Variants in BABAM2 observed in about 807,000 individuals in gnomAD.
The protein encoded by BABAM2 is BRISC and BRCA1-A complex member 2.
BABAM2 carries 31 observed loss-of-function variants against 54.7 expected under a neutral mutation model. The observed-to-expected ratio is 0.57, with a 90% confidence interval of 0.43 to 0.77. The LOEUF is 0.77. Ranked by LOEUF, BABAM2 falls within the 30% of genes least tolerant of loss-of-function variation. The probability of loss-of-function intolerance (pLI) is 0.00; values close to 1 mark genes in which losing one functional copy is unlikely to be tolerated. For missense variants in BABAM2, 364 were observed against 455.8 expected (o/e 0.80, Z 1.83); for synonymous variants, 167 against 162.9 (o/e 1.03, Z -0.19).
At chr2:28,087,308 A>C (rs1285328494) in intron 6 of BABAM2, among the ~76,000 whole-genome samples, 2 of 152,138 alleles carry the variant, frequency 1.3e-5, no homozygotes, top group Non-Finnish European at 2.9e-5. Context: ...CCACAAGAAA[A>C]AAGCTGGACA....
chr2:27,889,087 G>C (rs1395528816), upstream of BABAM2, among the ~76,000 whole-genome samples: 2 of 152,124 alleles, frequency 1.3e-5, no homozygotes, highest in Admixed American at 1.3e-4. Flanking sequence ...TCAAGTTTTC[G>C]TCAGTCACTA....
At chr2:27,964,437 A>G (rs538491947) in intron 3 of BABAM2, among the ~76,000 whole-genome samples, 27 of 152,382 alleles carry the variant, frequency 1.8e-4, no homozygotes, top group Non-Finnish European at 3.8e-4. Flanking sequence ...AAGCAGTTAC[A>G]TGAAAAAATT....
At chr2:27,977,926 T>C (rs1448670381) in intron 3 of BABAM2, among the ~76,000 whole-genome samples, 1 of 152,158 alleles carries the variant, frequency 6.6e-6, no homozygotes, top group Non-Finnish European at 1.5e-5. Flanking sequence ...CATAAAGTTC[T>C]CAGAACCAGC....
At chr2:27,983,254 C>T (rs1042892658) in intron 3 of BABAM2, among the ~76,000 whole-genome samples, 9 of 151,970 alleles carry the variant, frequency 5.9e-5, no homozygotes, top group Non-Finnish European at 1.3e-4. Flanking sequence ...ATTGTGTTGG[C>T]ACCCTTGTCA....
intron 7 of BABAM2, among the ~76,000 whole-genome samples, chr2:28,186,652 G>C (rs1037413423): frequency 1.3e-5 from 2 of 151,838 alleles, no homozygotes; most frequent in Non-Finnish European, 2.9e-5. Flanking sequence ...GAGAGTATGT[G>C]AGAGAGAGGG....
chr2:28,021,789 AT>A (rs987578075), intron 4 of BABAM2, among the ~76,000 whole-genome samples: 12 of 151,988 alleles, frequency 7.9e-5, no homozygotes, highest in Non-Finnish European at 1.0e-4. Context: ...CCCCCGGAAG[AT>A]TTTTTTCCCT....
At chr2:28,289,274 A>G (rs911951149) in intron 10 of BABAM2, among the ~76,000 whole-genome samples, 2 of 152,162 alleles carry the variant, frequency 1.3e-5, no homozygotes, top group African/African-American at 4.8e-5. Context: ...CCATAAAAAT[A>G]TATCATTTAT....
intron 10 of BABAM2, among the ~76,000 whole-genome samples, chr2:28,264,023 A>G (rs1024123377): frequency 5.3e-5 from 8 of 152,210 alleles, no homozygotes; most frequent in Non-Finnish European, 8.8e-5. Flanking sequence ...ATTACATTCA[A>G]ATTTTTAAAT....
At chr2:27,929,936 A>G (rs1226399501) in intron 3 of BABAM2, 28 bp downstream of exon 3, 2 of 1,579,828 alleles carry the variant, frequency 1.3e-6, no homozygotes, top group Non-Finnish European at 1.7e-6. Context: ...ATTTTACTCA[A>G]AATGTAGGTT....
chr2:27,931,196 G>A (rs1668066381), intron 3 of BABAM2, among the ~76,000 whole-genome samples: 1 of 152,106 alleles, frequency 6.6e-6, no homozygotes, highest in South Asian at 2.1e-4. Context: ...GTCTGAAGTA[G>A]TAGGACAGAT....
intron 10 of BABAM2, among the ~76,000 whole-genome samples, chr2:28,281,183 C>T (rs1295551343): frequency 6.6e-6 from 1 of 152,174 alleles, no homozygotes; most frequent in Non-Finnish European, 1.5e-5. Flanking sequence ...TGGGCTGCCC[C>T]CACCGGCATT....
At chr2:28,021,271 T>C (rs1675242412) in intron 4 of BABAM2, among the ~76,000 whole-genome samples, 2 of 152,120 alleles carry the variant, frequency 1.3e-5, no homozygotes, top group African/African-American at 4.8e-5. Flanking sequence ...GCATGCACCA[T>C]GGAAGCAGTG....
chr2:27,978,796 C>T (rs996412592), intron 3 of BABAM2, among the ~76,000 whole-genome samples: 1 of 152,138 alleles, frequency 6.6e-6, no homozygotes, highest in African/African-American at 2.4e-5. Flanking sequence ...TCCTCTCACC[C>T]TCCACCCTCA....
At chr2:28,218,864 C>T (rs1680144596) in intron 7 of BABAM2, among the ~76,000 whole-genome samples, 1 of 152,106 alleles carries the variant, frequency 6.6e-6, no homozygotes, top group South Asian at 2.1e-4. Flanking sequence ...TATCCATTAA[C>T]ATATGTGTTT....
intron 4 of BABAM2, among the ~76,000 whole-genome samples, chr2:28,024,471 A>T (rs1040417688): frequency 6.6e-6 from 1 of 152,168 alleles, no homozygotes; most frequent in African/African-American, 2.4e-5. Flanking sequence ...ATAACCCTTG[A>T]GTACACATGC....
chr2:28,248,990 G>A (rs1683169765), intron 10 of BABAM2, among the ~76,000 whole-genome samples: 1 of 151,796 alleles, frequency 6.6e-6, no homozygotes, highest in Non-Finnish European at 1.5e-5. Flanking sequence ...ACATAGCACA[G>A]AAATTAGAAA....
chr2:28,214,000 G>A (rs531572215), intron 7 of BABAM2, among the ~76,000 whole-genome samples: 3 of 151,556 alleles, frequency 2.0e-5, no homozygotes, highest in African/African-American at 7.3e-5. Context: ...GAAGTTAGCA[G>A]AAATGGTGCA....
chr2:27,984,110 T>C (rs897391706), intron 3 of BABAM2, among the ~76,000 whole-genome samples: 2 of 151,864 alleles, frequency 1.3e-5, no homozygotes, highest in Admixed American at 1.3e-4. Flanking sequence ...AATGCAGCCA[T>C]TCTTCTATAG....
intron 7 of BABAM2, among the ~76,000 whole-genome samples, chr2:28,185,346 A>G (rs1676164734): frequency 6.6e-6 from 1 of 152,184 alleles, no homozygotes; most frequent in Non-Finnish European, 1.5e-5. Context: ...CCCTTACCAC[A>G]GAATTGTGCA....
Sources: allele counts gnomAD v4.1 joint callset (sites outside exome capture counted in the v4.1 genomes callset), GRCh38; gene constraint gnomAD v4.1.1; transcripts MANE v1.5; gene names NCBI Gene and HGNC (gene_info 2026-07-23, HGNC 2026-07-21).